The following SGCG variants were observed in gnomAD, a reference collection of about 807,000 sequenced individuals.
The protein encoded by SGCG is gamma-sarcoglycan.
SGCG carries 26 observed loss-of-function variants against 29.3 expected under a neutral mutation model. The ratio of observed to expected loss-of-function variants is 0.89; its 90% CI spans 0.65 to 1.23. The LOEUF (loss-of-function observed/expected upper bound fraction) is 1.23, where lower values mean the gene tolerates loss of function less well. Ranked by LOEUF, SGCG falls within the 50% of genes most tolerant of loss-of-function variation. The probability of loss-of-function intolerance (pLI) is 0.00; values close to 1 mark genes in which losing one functional copy is unlikely to be tolerated. For missense variants in SGCG, 353 were observed against 356.0 expected (o/e 0.99, Z 0.07); for synonymous variants, 145 against 129.7 (o/e 1.12, Z -0.80).
At chr13:23,296,849 C>T (rs1881927651) in intron 6 of SGCG, among the ~76,000 whole-genome samples, 1 of 152,106 alleles carries the variant, frequency 6.6e-6, no homozygotes, top group African/African-American at 2.4e-5. Context: ...CACTAGGCTA[C>T]TGAATGTCAT....
At chr13:23,302,940 C>T (rs1181991931) in intron 6 of SGCG, among the ~76,000 whole-genome samples, 1 of 152,150 alleles carries the variant, frequency 6.6e-6, no homozygotes, top group Non-Finnish European at 1.5e-5. Context: ...GAACTCTTCC[C>T]TAAATATACA....
intron 2 of SGCG, among the ~76,000 whole-genome samples, chr13:23,208,880 T>G (rs1476277415): frequency 6.6e-6 from 1 of 152,120 alleles, no homozygotes; most frequent in Non-Finnish European, 1.5e-5. Flanking sequence ...TGTTCATGAG[T>G]ATAGAATAAT....
chr13:23,186,652 A>G (rs1392543294), intron 1 of SGCG, among the ~76,000 whole-genome samples: 1 of 152,148 alleles, frequency 6.6e-6, no homozygotes, highest in Non-Finnish European at 1.5e-5. Context: ...AGTATCCCCC[A>G]TCCTCACAGG....
chr13:23,172,583 T>C, the SGCG span, among the ~76,000 whole-genome samples: 1 of 152,236 alleles, frequency 6.6e-6, no homozygotes, highest in Non-Finnish European at 1.5e-5. Flanking sequence ...TTATTGAGTA[T>C]GTAGCTATCT....
rs147118856 is a variant in SGCG at position 23,254,846 on chromosome 13, G to A, written c.385+4129G>A. Among the ~76,000 whole-genome samples, 254 of 152,340 alleles carry A rather than the reference G, an allele frequency of 1.7e-3. 2 individuals carry two copies. The highest frequency in any genetic ancestry group is 5.5e-3 in the African/African-American group (228 of 41,590). On this transcript the variant is annotated intron_variant, in intron 4 of 7. Transcript: ENST00000218867. ...GGCCCCAGATACTACTCAGGCCATCGCTGTGGAAGGCGCAAGCCATAAGCC... is the reference window on the plus strand; with the variant it reads ...GGCCCCAGATACTACTCAGGCCATCACTGTGGAAGGCGCAAGCCATAAGCC...
chr13:23,166,017 A>G, the SGCG span, among the ~76,000 whole-genome samples: 3 of 152,090 alleles, frequency 2.0e-5, no homozygotes, highest in East Asian at 1.9e-4. Flanking sequence ...TTTCTAATCT[A>G]TGTGCCTTTT....
At chr13:23,294,836 A>G (rs1174907941) in intron 5 of SGCG, among the ~76,000 whole-genome samples, 1 of 152,204 alleles carries the variant, frequency 6.6e-6, no homozygotes, top group African/African-American at 2.4e-5. Flanking sequence ...GTTAGGATAC[A>G]TCAAAGAGCA....
chr13:23,265,738 G>A (rs551194175), intron 4 of SGCG, among the ~76,000 whole-genome samples: 101 of 152,024 alleles, frequency 6.6e-4, no homozygotes, highest in Non-Finnish European at 1.1e-3. Context: ...TATGCCAGCC[G>A]GAATGGCCAT....
At chr13:23,176,585 G>A (rs543031346), upstream of SGCG, among the ~76,000 whole-genome samples, 24 of 151,528 alleles carry the variant, frequency 1.6e-4, no homozygotes, top group African/African-American at 2.4e-4. Context: ...TTTGCAGGGC[G>A]TATCTTTTTC....
intron 6 of SGCG, among the ~76,000 whole-genome samples, chr13:23,300,752 A>G (rs1170441064): frequency 3.3e-5 from 5 of 149,982 alleles, no homozygotes; most frequent in Non-Finnish European, 4.4e-5. Context: ...AAGTTATCCC[A>G]TCACACATGA....
intron 3 of SGCG, among the ~76,000 whole-genome samples, chr13:23,249,379 C>T (rs1206059464): frequency 6.6e-6 from 1 of 152,124 alleles, no homozygotes; most frequent in Non-Finnish European, 1.5e-5. Flanking sequence ...GTCAACATTT[C>T]GCTTCACTTA....
At chr13:23,301,973 T>C (rs1882177455) in intron 6 of SGCG, among the ~76,000 whole-genome samples, 1 of 152,162 alleles carries the variant, frequency 6.6e-6, no homozygotes, top group African/African-American at 2.4e-5. Context: ...AGTTTAGCAA[T>C]GATGACCTTT....
At chr13:23,228,029 T>C (rs1309505323) in intron 2 of SGCG, among the ~76,000 whole-genome samples, 1 of 152,094 alleles carries the variant, frequency 6.6e-6, no homozygotes, top group African/African-American at 2.4e-5. Context: ...CAGGCTGGTC[T>C]TCAACTCCTG....
At chr13:23,189,566 A>C (rs75308156) in intron 1 of SGCG, among the ~76,000 whole-genome samples, 5,786 of 152,300 alleles carry the variant, frequency 0.038, 182 homozygotes, top group South Asian at 0.14. Context: ...GTAGAATAAC[A>C]ATTAAAAATA....
At chr13:23,208,438 T>C (rs1336850) in intron 2 of SGCG, among the ~76,000 whole-genome samples, 14,740 of 152,096 alleles carry the variant, frequency 0.097, 938 homozygotes, top group East Asian at 0.2. Flanking sequence ...CAGTAAAACA[T>C]CACAAGATGA....
At chr13:23,247,954 TAA>T (rs200707498) in intron 3 of SGCG, among the ~76,000 whole-genome samples, 9,463 of 110,470 alleles carry the variant, frequency 0.086, 452 homozygotes, top group Non-Finnish European at 0.12. Context: ...TCCCATCTCT[TAA>T]AAAAAAAAAA....
Position 23,310,289 on chromosome 13 carries a change from T to TGC in SGCG, c.579-10348_579-10347insGC, listed in dbSNP as rs1882536672. 3.3e-5 allele frequency among the ~76,000 whole-genome samples: 5 copies of TGC among 152,024 alleles called. 1 individual carries two copies. In the South Asian group the frequency reaches 1.0e-3, roughly 31 times the overall value. On this transcript the variant is annotated intron_variant, in intron 6 of 7. Transcript: ENST00000218867. ...TTTTAGTAGAGACGGGGTTTCACCC[T>TGC]ATTAGCCAGGGTGGTCTCGATCTCC...
intron 4 of SGCG, among the ~76,000 whole-genome samples, chr13:23,257,978 G>A (rs1340138010): frequency 2.0e-5 from 3 of 151,960 alleles, no homozygotes; most frequent in Admixed American, 1.3e-4. Context: ...AGTCAGGTAG[G>A]GTGGTTCCTC....
chr13:23,212,085 G>A (rs879389930), intron 2 of SGCG, among the ~76,000 whole-genome samples: 5 of 152,028 alleles, frequency 3.3e-5, no homozygotes, highest in Admixed American at 2.6e-4. Flanking sequence ...CATGTAAGAC[G>A]TGCTTGCTAG....
Sources: allele counts gnomAD v4.1 joint callset (sites outside exome capture counted in the v4.1 genomes callset), GRCh38; gene constraint gnomAD v4.1.1; transcripts MANE v1.5; gene names NCBI Gene and HGNC (gene_info 2026-07-23, HGNC 2026-07-21).